The following PREP variants were observed in gnomAD, a reference collection of about 807,000 sequenced individuals.
PREP encodes dJ355L5.1 (prolyl endopeptidase).
A neutral mutation model predicts 87.6 loss-of-function variants in PREP; 29 were observed. The ratio of observed to expected loss-of-function variants is 0.33; its 90% confidence interval spans 0.25 to 0.45. The LOEUF (loss-of-function observed/expected upper bound fraction) is 0.45. Among genes scored for constraint, PREP ranks in the 20% least tolerant of loss-of-function variants. The pLI is 1.00. For synonymous variants in PREP, 337 were observed against 328.6 expected (o/e 1.03, Z -0.28); for missense variants, 695 against 886.5 (o/e 0.78, Z 2.74).
At chr6:105,309,831 T>C (rs139675858) in intron 10 of PREP, among the ~76,000 whole-genome samples, 89 of 152,332 alleles carry the variant, frequency 5.8e-4, no homozygotes, top group Admixed American at 1.0e-3. Flanking sequence ...GGGAACTTGT[T>C]TCTGAGTGAT....
chr6:105,292,079 C>G (rs1468033428), intron 10 of PREP, among the ~76,000 whole-genome samples: 1 of 152,148 alleles, frequency 6.6e-6, no homozygotes, highest in Admixed American at 6.5e-5. Context: ...AAATCTTGAA[C>G]CCTTCAGAAT....
chr6:105,402,431 CACACACACACACACACAA>C (rs1034260689), intron 1 of PREP, among the ~76,000 whole-genome samples: 3 of 151,116 alleles, frequency 2.0e-5, no homozygotes, highest in Non-Finnish European at 3.0e-5. Flanking sequence ...CACACACACA[CACACACACACACACACAA>C]ACACACACAC....
Position 105,277,075 on chromosome 6 carries a change from T to TAAA in PREP, c.*1066_*1068dup, listed in dbSNP as rs919342540. 1.3e-5 allele frequency among the ~76,000 whole-genome samples: 2 copies of TAAA among 151,910 alleles called. No homozygotes were observed. Among genetic ancestry groups the TAAA allele is most frequent in the Non-Finnish European group, 2.9e-5 (2 of 68,016 alleles). ...AAAGGAACATTGTTTCATGAAATGT[T>TAAA]AAAATATATGCCTTGAAAAAAATTT... On this transcript the variant is annotated 3_prime_UTR_variant, in exon 15 of 15. Transcript: ENST00000652536.
intron 9 of PREP, among the ~76,000 whole-genome samples, chr6:105,328,215 T>C (rs1771223424): frequency 2.0e-5 from 3 of 152,210 alleles, no homozygotes; most frequent in African/African-American, 7.2e-5. Flanking sequence ...TGTGTTCTCA[T>C]GCATATAGAC....
At chr6:105,365,627 G>C (rs1035795183) in intron 6 of PREP, among the ~76,000 whole-genome samples, 3 of 152,112 alleles carry the variant, frequency 2.0e-5, no homozygotes, top group Admixed American at 6.5e-5. Context: ...AGCTGGGTTG[G>C]GAAAGGAGGA....
rs534473172 is a variant in PREP at position 105,290,832 on chromosome 6, A to G, written c.1318-1938T>C. ...TGGTGTGGTTCTAATGCTAAAAACAATATTTTGAAAGCGGTCCAAAATGAA... is the reference window on the plus strand; with the variant it reads ...TGGTGTGGTTCTAATGCTAAAAACAGTATTTTGAAAGCGGTCCAAAATGAA... On this transcript the variant is annotated intron_variant, in intron 10 of 14. Coordinates refer to ENST00000652536, the MANE Select transcript of PREP (RefSeq NM_002726.5). Among the ~76,000 whole-genome samples, 263 of 152,326 alleles carry G rather than the reference A, an allele frequency of 1.7e-3. 1 individual carries two copies. The highest frequency in any genetic ancestry group is 5.9e-3 in the African/African-American group (244 of 41,564).
At chr6:105,379,028 A>G (rs1772767886) in intron 2 of PREP, among the ~76,000 whole-genome samples, 1 of 152,222 alleles carries the variant, frequency 6.6e-6, no homozygotes, top group South Asian at 2.1e-4. Flanking sequence ...TAAAAACAAG[A>G]GACAAGGGAT....
intron 2 of PREP, among the ~76,000 whole-genome samples, chr6:105,392,781 T>G (rs1388038195): frequency 6.6e-6 from 1 of 152,174 alleles, no homozygotes; most frequent in African/African-American, 2.4e-5. Flanking sequence ...TTTGTCATGT[T>G]GGCTAGGCTG....
At chr6:105,402,354 G>T (rs1221213549) in intron 1 of PREP, among the ~76,000 whole-genome samples, 1 of 151,926 alleles carries the variant, frequency 6.6e-6, no homozygotes, top group Non-Finnish European at 1.5e-5. Context: ...GAACGAATAT[G>T]CTTCAACTCT....
At chr6:105,391,741 C>T (rs1773153237) in intron 2 of PREP, among the ~76,000 whole-genome samples, 1 of 152,164 alleles carries the variant, frequency 6.6e-6, no homozygotes, top group Admixed American at 6.5e-5. Flanking sequence ...CCTAAGGGAC[C>T]GGGAGACCGA....
At chr6:105,366,721 G>GCACA (rs61565732) in intron 6 of PREP, among the ~76,000 whole-genome samples, 104 of 152,108 alleles carry the variant, frequency 6.8e-4, no homozygotes, top group Admixed American at 7.2e-4. Flanking sequence ...ATAAACTGTG[G>GCACA]CACACACACA....
At chr6:105,349,016 C>T (rs751384446) in intron 7 of PREP, among the ~76,000 whole-genome samples, 1 of 151,700 alleles carries the variant, frequency 6.6e-6, no homozygotes, top group Non-Finnish European at 1.5e-5. Context: ...TGGAGACGAT[C>T]TGCTTAGCTG....
intron 10 of PREP, among the ~76,000 whole-genome samples, chr6:105,296,826 G>T (rs1770421661): frequency 6.6e-6 from 1 of 151,968 alleles, no homozygotes; most frequent in African/African-American, 2.4e-5. Context: ...CTTCTGTTTT[G>T]CAATTTTCTA....
At position 105,276,145 on chromosome 6, in the gene PREP, A is replaced by G. The variant is rs1769926184; in HGVS notation, c.*1999T>C. 6.6e-6 allele frequency among the ~76,000 whole-genome samples: 1 copy of G among 152,178 alleles called. No individual in the cohort carries two copies. Among genetic ancestry groups the G allele is most frequent in the African/African-American group, 2.4e-5 (1 of 41,442 alleles). On this transcript the variant is annotated 3_prime_UTR_variant, in exon 15 of 15. Coordinates refer to ENST00000652536, the MANE Select transcript of PREP (RefSeq NM_002726.5). ...ATTTCTAATGTTTAAAGCTCCCCCTACTCCCCAAAATACCTTTAGTTGGTG... is the reference window on the plus strand; with the variant it reads ...ATTTCTAATGTTTAAAGCTCCCCCTGCTCCCCAAAATACCTTTAGTTGGTG...
intron 7 of PREP, among the ~76,000 whole-genome samples, chr6:105,342,000 T>G (rs1027436313): frequency 6.6e-6 from 1 of 152,010 alleles, no homozygotes; most frequent in African/African-American, 2.4e-5. Flanking sequence ...TTCCAATCAA[T>G]AGAAAAAGAG....
intron 7 of PREP, among the ~76,000 whole-genome samples, chr6:105,351,250 G>A (rs1385781465): frequency 6.6e-6 from 1 of 152,178 alleles, no homozygotes; most frequent in East Asian, 1.9e-4. Flanking sequence ...TCAATCAGTT[G>A]GAAGGCCTTA....
At chr6:105,348,766 C>A (rs1251621274) in intron 7 of PREP, among the ~76,000 whole-genome samples, 1 of 151,894 alleles carries the variant, frequency 6.6e-6, no homozygotes, top group African/African-American at 2.4e-5. Flanking sequence ...GTAGTCCCAG[C>A]TACTTGGGAG....
rs543134800 is a variant in PREP, at chr6:105,274,295, G to T, written c.*3849C>A. 2.0e-5 allele frequency among the ~76,000 whole-genome samples: 3 copies of T among 151,124 alleles called. No homozygotes were observed. The highest frequency in any genetic ancestry group is 4.4e-5 in the Non-Finnish European group (3 of 68,018). On this transcript the variant is annotated 3_prime_UTR_variant, in exon 15 of 15. Transcript: ENST00000652536. ...TGTCCTCACATGGTGGAAGGGATGG[G>T]GCGGGGGGGTCTCTCCTTGGGCTCT...
At chr6:105,288,690 C>T (rs144827162) in intron 11 of PREP, 68 bp downstream of exon 11, 3 of 1,571,002 alleles carry the variant, frequency 1.9e-6, no homozygotes, top group Non-Finnish European at 2.6e-6. Context: ...TTTAGTAGAG[C>T]ACTCTGGTTT....
Sources: allele counts gnomAD v4.1 joint callset (sites outside exome capture counted in the v4.1 genomes callset), GRCh38; gene constraint gnomAD v4.1.1; transcripts MANE v1.5; gene names NCBI Gene and HGNC (gene_info 2026-07-23, HGNC 2026-07-21).